The following ITFG1 variants were observed in gnomAD, a reference collection of about 807,000 sequenced individuals.
ITFG1 encodes the protein T-cell immunomodulatory protein.
ITFG1 carries 34 observed loss-of-function variants against 81.8 expected under a neutral mutation model. The observed-to-expected ratio is 0.42, with a 90% CI of 0.32 to 0.55. ITFG1 has a LOEUF of 0.55. Among genes scored for constraint, ITFG1 ranks in the 20% least tolerant of loss-of-function variants. ITFG1 has a pLI of 0.17. For missense variants in ITFG1, 672 were observed against 755.4 expected (o/e 0.89, Z 1.29); for synonymous variants, 285 against 270.6 (o/e 1.05, Z -0.52).
In ITFG1 at chr16:47,428,807, C is replaced by T. The variant is rs1235488941; in HGVS notation, c.652G>A (p.Ala218Thr). The T allele has an allele frequency of 1.3e-6, 2 of 1,598,824 alleles. No individual in the cohort carries two copies. The highest frequency in any genetic ancestry group is 1.1e-5 in the South Asian group (1 of 90,104). The change falls in exon 6 of 18, where the codon GCA (alanine) becomes ACA (threonine). Residue 218 changes from alanine (A) to threonine (T), a missense_variant. Physicochemically the swap from Ala to Thr is moderately conservative, Grantham distance 58 (BLOSUM62 0). Transcript: ENST00000320640. ...TCCAGATTTATGTGCAACTCACCTG[C>T]TGTAAAATCTTCAGTCAGATCAATA... Reference protein sequence around the residue: ...AFIDLTEDFTADLFLTTLNAT... With the variant: ...AFIDLTEDFTTDLFLTTLNAT...
chr16:47,164,383 C>T (rs1964858778), intron 14 of ITFG1, among the ~76,000 whole-genome samples: 1 of 152,116 alleles, frequency 6.6e-6, no homozygotes, highest in African/African-American at 2.4e-5. Flanking sequence ...CATCTCCCAC[C>T]CTTTGTCAAA....
rs1325645147 is a variant in ITFG1 at position 47,454,083 on chromosome 16, T to C, written c.357A>G (p.Thr119=). Residue 119 remains threonine (T), a synonymous_variant, in exon 3 of 18, where the codon ACA becomes ACG. Transcript: ENST00000320640. ...DGDSQMDVLL[T]YLPKNYAKSE... ...TCTTGGCATAATTTTTGGGAAGATATGTCAGAAGGACATCCATTTGAGAAT... is the reference window on the plus strand; with the variant it reads ...TCTTGGCATAATTTTTGGGAAGATACGTCAGAAGGACATCCATTTGAGAAT... The C allele has an allele frequency of 3.1e-6, 5 of 1,607,892 alleles. No homozygotes were observed. The highest frequency in any genetic ancestry group is 1.6e-4 in the Middle Eastern group (1 of 6,062).
intron 6 of ITFG1, among the ~76,000 whole-genome samples, chr16:47,378,365 ACT>A (rs1968353470): frequency 6.6e-6 from 1 of 152,176 alleles, no homozygotes; most frequent in African/African-American, 2.4e-5. Flanking sequence ...TAGAAGAATG[ACT>A]CTGTGACCAC....
At chr16:47,337,137 CAAA>C (rs5816576) in intron 8 of ITFG1, among the ~76,000 whole-genome samples, 3 of 81,086 alleles carry the variant, frequency 3.7e-5, no homozygotes, top group Non-Finnish European at 2.3e-5. Flanking sequence ...AACTCTGTCT[CAAA>C]AAAAAAAAAA....
chr16:47,413,573 G>A (rs1458036716), intron 6 of ITFG1, among the ~76,000 whole-genome samples: 1 of 152,088 alleles, frequency 6.6e-6, no homozygotes, highest in East Asian at 1.9e-4. Context: ...GCACACATCT[G>A]TAATCCCATC....
intron 14 of ITFG1, among the ~76,000 whole-genome samples, chr16:47,189,895 C>T (rs1230152691): frequency 6.6e-6 from 1 of 152,148 alleles, no homozygotes; most frequent in Non-Finnish European, 1.5e-5. Flanking sequence ...TAAAGGAAAT[C>T]CACACAGCTC....
chr16:47,312,420 T>A (rs1426523669), intron 9 of ITFG1: 2 of 151,930 alleles, frequency 1.3e-5, no homozygotes, highest in Non-Finnish European at 2.9e-5. Flanking sequence ...AAACAGGGTA[T>A]CTCCAACAAT....
chr16:47,314,030 T>C (rs567450820), intron 8 of ITFG1, among the ~76,000 whole-genome samples: 1 of 152,262 alleles, frequency 6.6e-6, no homozygotes, highest in Non-Finnish European at 1.5e-5. Flanking sequence ...TTGTTCTAAA[T>C]TGCACACTTC....
intron 6 of ITFG1, among the ~76,000 whole-genome samples, chr16:47,384,832 C>G (rs949348092): frequency 1.6e-4 from 25 of 152,150 alleles, no homozygotes; most frequent in African/African-American, 6.0e-4. Flanking sequence ...AATCCCAGCA[C>G]TTTGGGAGGT....
intron 10 of ITFG1, among the ~76,000 whole-genome samples, chr16:47,289,175 C>A (rs1966882375): frequency 6.6e-6 from 1 of 152,128 alleles, no homozygotes; most frequent in South Asian, 2.1e-4. Flanking sequence ...TATAGTTTAG[C>A]CATCCTTATA....
chr16:47,351,527 G>A (rs1034600618), intron 8 of ITFG1, among the ~76,000 whole-genome samples: 1 of 152,078 alleles, frequency 6.6e-6, no homozygotes, highest in African/African-American at 2.4e-5. Context: ...CCTCTTCAAG[G>A]AGAACTACAA....
chr16:47,205,538 G>T (rs1325246963), intron 14 of ITFG1, among the ~76,000 whole-genome samples: 1 of 152,090 alleles, frequency 6.6e-6, no homozygotes, highest in Non-Finnish European at 1.5e-5. Flanking sequence ...GAGGAGAAAA[G>T]GATCATTTTT....
At chr16:47,193,379 T>C (rs777458285) in intron 14 of ITFG1, among the ~76,000 whole-genome samples, 1 of 152,192 alleles carries the variant, frequency 6.6e-6, no homozygotes, top group Non-Finnish European at 1.5e-5. Context: ...TCGTTTCTTC[T>C]GTTTCAACAA....
chr16:47,422,272 G>A (rs758549680), intron 6 of ITFG1, among the ~76,000 whole-genome samples: 3 of 152,108 alleles, frequency 2.0e-5, no homozygotes, highest in Admixed American at 6.5e-5. Flanking sequence ...CACAATGGTC[G>A]AACTAACTTA....
At chr16:47,197,572 AGGACATCCTGAGAAT>A (rs1965373621) in intron 14 of ITFG1, among the ~76,000 whole-genome samples, 1 of 152,278 alleles carries the variant, frequency 6.6e-6, no homozygotes, top group Non-Finnish European at 1.5e-5. Context: ...ACACTTGCTC[AGGACATCCTGAGAAT>A]GTTCCCCGGG....
intron 14 of ITFG1, among the ~76,000 whole-genome samples, chr16:47,176,766 C>A (rs1489868494): frequency 6.6e-6 from 1 of 152,032 alleles, no homozygotes; most frequent in South Asian, 2.1e-4. Flanking sequence ...GACTGTGTTC[C>A]AAGTATTGAT....
intron 8 of ITFG1, among the ~76,000 whole-genome samples, chr16:47,319,009 A>G (rs1228173646): frequency 6.6e-6 from 1 of 152,176 alleles, no homozygotes; most frequent in Non-Finnish European, 1.5e-5. Flanking sequence ...CATATCAATG[A>G]ATTTTCCCTA....
At chr16:47,264,629 G>A (rs1966255179) in intron 10 of ITFG1, among the ~76,000 whole-genome samples, 1 of 151,404 alleles carries the variant, frequency 6.6e-6, no homozygotes, top group Non-Finnish European at 1.5e-5. Flanking sequence ...GAACTTGTAC[G>A]AGAAATTCCA....
chr16:47,442,737 T>C (rs150754310), intron 5 of ITFG1, among the ~76,000 whole-genome samples: 2,554 of 152,258 alleles, frequency 0.017, 74 homozygotes, highest in African/African-American at 0.057. Context: ...TTACACCTTA[T>C]ACAAAAATTA....
Sources: allele counts gnomAD v4.1 joint callset (sites outside exome capture counted in the v4.1 genomes callset), GRCh38; gene constraint gnomAD v4.1.1; transcripts MANE v1.5; gene names NCBI Gene and HGNC (gene_info 2026-07-23, HGNC 2026-07-21).